MLLT3: variants seen among roughly 807,000 people sequenced by gnomAD.
MLLT3 encodes the protein protein AF-9.
In MLLT3, 4 loss-of-function variants were observed where a neutral mutation model predicts 53.2. That is an observed-to-expected ratio of 0.08 (90% confidence interval 0.04 to 0.17). MLLT3 has a LOEUF of 0.17. Among genes scored for constraint, MLLT3 ranks in the 10% least tolerant of loss-of-function variants. The pLI is 1.00. For synonymous variants in MLLT3, 283 were observed against 230.6 expected (o/e 1.23, Z -2.06); for missense variants, 569 against 684.0 (o/e 0.83, Z 1.87).
chr9:20,463,318 C>T (rs964090648), intron 2 of MLLT3, among the ~76,000 whole-genome samples: 3 of 152,076 alleles, frequency 2.0e-5, no homozygotes, highest in African/African-American at 7.2e-5. Context: ...ATACGCACAA[C>T]ATTTTCAGCT....
chr9:20,436,391 C>T lies in MLLT3; in HGVS notation c.420+11732G>A, dbSNP rs373501550. 6.6e-5 allele frequency among the ~76,000 whole-genome samples: 10 copies of T among 152,152 alleles called. No homozygotes were observed. The East Asian group carries it at 1.2e-3, about 18-fold the overall frequency. ...TCCACATAAATTGTATTTTCAGAAG[C>T]AAGAGAAATACAGGAAACTTTAGTC... is the stretch of plus-strand genomic sequence containing the variant. On this transcript the variant is annotated intron_variant, in intron 4 of 10. Transcript: ENST00000380338.
At chr9:20,472,086 T>A (rs1824408158) in intron 2 of MLLT3, among the ~76,000 whole-genome samples, 2 of 152,094 alleles carry the variant, frequency 1.3e-5, no homozygotes, top group Non-Finnish European at 2.9e-5. Context: ...TATCTCTCCA[T>A]GGCTTTAATT....
At chr9:20,494,379 C>G (rs1825025487) in intron 2 of MLLT3, among the ~76,000 whole-genome samples, 1 of 151,974 alleles carries the variant, frequency 6.6e-6, no homozygotes, top group Non-Finnish European at 1.5e-5. Context: ...CTGATTTGCT[C>G]TGTTTTGTTT....
intron 4 of MLLT3, among the ~76,000 whole-genome samples, chr9:20,421,581 A>G (rs1823009579): frequency 6.6e-6 from 1 of 152,194 alleles, no homozygotes; most frequent in African/African-American, 2.4e-5. Context: ...TAATTATATA[A>G]TTGTATAATG....
intron 5 of MLLT3, among the ~76,000 whole-genome samples, chr9:20,368,486 A>G (rs1477785285): frequency 1.3e-5 from 2 of 152,136 alleles, no homozygotes; most frequent in Non-Finnish European, 2.9e-5. Context: ...TAAAGGAGCC[A>G]CTCTGCCAGA....
chr9:20,533,508 A>G (rs1368631292), intron 2 of MLLT3, among the ~76,000 whole-genome samples: 1 of 152,254 alleles, frequency 6.6e-6, no homozygotes, highest in Non-Finnish European at 1.5e-5. Flanking sequence ...AGGTTCCTCA[A>G]AAAATTAAAA....
intron 5 of MLLT3, among the ~76,000 whole-genome samples, chr9:20,375,009 T>G (rs573518165): frequency 6.6e-6 from 1 of 152,358 alleles, no homozygotes; most frequent in South Asian, 2.1e-4. Context: ...TCTTTCTTAC[T>G]ATGTGAGGAC....
chr9:20,452,480 A>T (rs1035429417), intron 3 of MLLT3, among the ~76,000 whole-genome samples: 8 of 152,214 alleles, frequency 5.3e-5, no homozygotes, highest in African/African-American at 1.7e-4. Context: ...TGAGTCAATT[A>T]AACCTATTTC....
At chr9:20,413,009 G>A (rs1563955902) in intron 5 of MLLT3, among the ~76,000 whole-genome samples, 1 of 152,056 alleles carries the variant, frequency 6.6e-6, no homozygotes, top group Non-Finnish European at 1.5e-5. Context: ...TGCTCTCTTA[G>A]GCATCCACAA....
chr9:20,436,639 T>C (rs905899333), intron 4 of MLLT3, among the ~76,000 whole-genome samples: 1 of 152,164 alleles, frequency 6.6e-6, no homozygotes, highest in Admixed American at 6.5e-5. Context: ...TGTGTAACCG[T>C]AGAAAGAATA....
Position 20,448,020 on chromosome 9 carries a change from A to G in MLLT3, c.420+103T>C, listed in dbSNP as rs1823746821. ...TACATCATTTCTTTTACCTCTCCCA[A>G]AACCTTATACTTTTTAACACATGAG... On this transcript the variant is annotated intron_variant, in intron 4 of 10. Coordinates refer to ENST00000380338, the MANE Select transcript of MLLT3 (RefSeq NM_004529.4). This position sits in a 1 kb window ranked among gnomAD's most constrained non-coding sequence, Gnocchi z 4.0. The G allele has an allele frequency of 2.3e-6, 3 of 1,332,454 alleles. No individual in the cohort carries two copies. The highest frequency in any genetic ancestry group is 3.1e-6 in the Non-Finnish European group (3 of 975,132). The allele number at this position is 1,332,454 out of a possible 1,614,324, so 82.5% of individuals were successfully genotyped here.
chr9:20,498,270 C>A (rs577721219), intron 2 of MLLT3, among the ~76,000 whole-genome samples: 19 of 89,984 alleles, frequency 2.1e-4, no homozygotes, highest in Non-Finnish European at 3.2e-4. Context: ...AAAAAAAGTT[C>A]TTCTAGCTGT....
At chr9:20,441,515 A>G (rs1823553763) in intron 4 of MLLT3, among the ~76,000 whole-genome samples, 1 of 152,132 alleles carries the variant, frequency 6.6e-6, no homozygotes, top group Non-Finnish European at 1.5e-5. Flanking sequence ...GTGGCCGACA[A>G]GGTTATAGAA....
At chr9:20,618,577 G>C (rs1309944208) in intron 2 of MLLT3, among the ~76,000 whole-genome samples, 1 of 152,146 alleles carries the variant, frequency 6.6e-6, no homozygotes, top group African/African-American at 2.4e-5. Flanking sequence ...CTTATAGACT[G>C]CATAGAGAAC....
chr9:20,569,917 C>G (rs961049794), intron 2 of MLLT3, among the ~76,000 whole-genome samples: 2 of 152,164 alleles, frequency 1.3e-5, no homozygotes, highest in African/African-American at 4.8e-5. Flanking sequence ...CCTTTCTCCT[C>G]CAATAACCCT....
At chr9:20,580,422 C>T (rs1819762095) in intron 2 of MLLT3, among the ~76,000 whole-genome samples, 2 of 151,946 alleles carry the variant, frequency 1.3e-5, no homozygotes, top group Non-Finnish European at 2.9e-5. Context: ...CTTGCACAGA[C>T]ATGCTCCAAC....
At chr9:20,553,961 G>A (rs1404793928) in intron 2 of MLLT3, among the ~76,000 whole-genome samples, 1 of 151,886 alleles carries the variant, frequency 6.6e-6, no homozygotes, top group African/African-American at 2.4e-5. Flanking sequence ...CTCTGAGTCA[G>A]GTATTTCTCT....
At chr9:20,585,878 A>C (rs189851855) in intron 2 of MLLT3, among the ~76,000 whole-genome samples, 9 of 152,298 alleles carry the variant, frequency 5.9e-5, no homozygotes, top group Admixed American at 5.9e-4. Flanking sequence ...CCAAACACTA[A>C]ACAGACTGCT....
intron 5 of MLLT3, chr9:20,411,950 A>G (rs1822739148): frequency 6.6e-6 from 1 of 152,160 alleles, no homozygotes; most frequent in Non-Finnish European, 1.5e-5. Context: ...TATAAGAAAC[A>G]CACACACCTT....
Sources: allele counts gnomAD v4.1 joint callset (sites outside exome capture counted in the v4.1 genomes callset), GRCh38; gene constraint gnomAD v4.1.1; non-coding constraint Gnocchi (gnomAD v3.1); transcripts MANE v1.5; gene names NCBI Gene and HGNC (gene_info 2026-07-23, HGNC 2026-07-21).